The following PTPRD variants were observed in gnomAD, a reference collection of about 807,000 sequenced individuals.
PTPRD encodes the protein protein tyrosine phosphatase receptor type D, also known as receptor-type tyrosine-protein phosphatase delta.
A neutral mutation model predicts 214.5 loss-of-function variants in PTPRD; 34 were observed. The observed-to-expected ratio is 0.16, with a 90% CI of 0.12 to 0.21. The LOEUF (loss-of-function observed/expected upper bound fraction) is 0.21, where lower values mean the gene tolerates loss of function less well. Ranked by LOEUF, PTPRD falls within the 10% of genes least tolerant of loss-of-function variation. PTPRD has a pLI of 1.00. For missense variants in PTPRD, 2,545 were observed against 2,398.7 expected, an observed-to-expected ratio of 1.06 and a Z score of -1.27; for synonymous variants, 1,128 against 845.7, an observed-to-expected ratio of 1.33 and a Z score of -5.79.
At position 8,331,812 on chromosome 9, in the gene PTPRD, A is replaced by ACAAT. The variant is rs199785648; in HGVS notation, c.5380-80_5380-77dup. The ACAAT allele has an allele frequency of 8.3e-4, 1,219 of 1,466,430 alleles. 7 individuals are homozygous for ACAAT. The highest frequency in any genetic ancestry group is 5.6e-3 in the East Asian group (232 of 41,690). The allele number at this position is 1,466,430 out of a possible 1,614,324, so 90.8% of individuals were successfully genotyped here. ...TTCAGCAAGCATACGGACCACAAGA[A>ACAAT]CAATCATTTTCATTTCCCGAAAACA... On this transcript the variant is annotated intron_variant, in intron 43 of 45. Transcript: ENST00000381196.
At chr9:9,848,318 T>C (rs1046472170) in intron 5 of PTPRD, among the ~76,000 whole-genome samples, 2 of 152,032 alleles carry the variant, frequency 1.3e-5, no homozygotes, top group Non-Finnish European at 2.9e-5. Context: ...GGGTTGTAAA[T>C]AAAGAAACAT....
In PTPRD at chr9:10,106,009, T is replaced by C. The variant is rs868176398; in HGVS notation, c.-544-72219A>G. On this transcript the variant is annotated intron_variant, in intron 3 of 45. Coordinates refer to ENST00000381196, the MANE Select transcript of PTPRD (RefSeq NM_002839.4). ...AGAACAAGAATCCTGATCTATCACA[T>C]ATTCAAAAAAAAAAAAAAAAAAAAA... is the stretch of plus-strand genomic sequence containing the variant. 7.2e-5 allele frequency among the ~76,000 whole-genome samples: 5 copies of C among 69,092 alleles called. No homozygotes were observed. In the East Asian group the frequency reaches 2.1e-3, roughly 29 times the overall value. 45.3% of individuals were successfully genotyped at this position (69,092 alleles called of 152,430 possible). A position where few individuals can be genotyped will look rare whatever the true frequency, so the allele number is the denominator to read the frequency against.
intron 2 of PTPRD, among the ~76,000 whole-genome samples, chr9:10,498,498 G>A (rs934804214): frequency 3.7e-5 from 5 of 135,168 alleles, no homozygotes; most frequent in Non-Finnish European, 7.4e-5. Flanking sequence ...GGTCAAAACA[G>A]GTCACATCAA....
intron 14 of PTPRD, among the ~76,000 whole-genome samples, chr9:8,548,731 G>C (rs897302769): frequency 1.2e-5 from 1 of 82,704 alleles, no homozygotes; most frequent in East Asian, 4.1e-4. Context: ...TTTCTCTCTT[G>C]TTGCCCAGGC....
intron 10 of PTPRD, among the ~76,000 whole-genome samples, chr9:9,047,094 C>T (rs532918535): frequency 5.9e-5 from 9 of 152,024 alleles, no homozygotes; most frequent in Non-Finnish European, 1.3e-4. Flanking sequence ...CATTAAAAAT[C>T]GGTAGCATTT....
At chr9:9,778,248 G>A (rs2098814376) in intron 5 of PTPRD, among the ~76,000 whole-genome samples, 1 of 152,154 alleles carries the variant, frequency 6.6e-6, no homozygotes. Context: ...AGCCCCGAAT[G>A]GCTCCTGGGA....
At chr9:8,433,822 T>C (rs1225935075) in intron 35 of PTPRD, among the ~76,000 whole-genome samples, 1 of 152,166 alleles carries the variant, frequency 6.6e-6, no homozygotes, top group African/African-American at 2.4e-5. Context: ...AAAATAAATT[T>C]GGTATAGCTT....
At chr9:8,938,630 T>C (rs2099012827) in intron 11 of PTPRD, among the ~76,000 whole-genome samples, 1 of 151,940 alleles carries the variant, frequency 6.6e-6, no homozygotes, top group Non-Finnish European at 1.5e-5. Context: ...TAGCATTTAA[T>C]AGAAGGACAC....
At chr9:8,821,821 T>G (rs2097072448) in intron 11 of PTPRD, among the ~76,000 whole-genome samples, 1 of 152,098 alleles carries the variant, frequency 6.6e-6, no homozygotes, top group South Asian at 2.1e-4. Flanking sequence ...ACTGCCACCA[T>G]GCCCCACTAA....
intron 3 of PTPRD, among the ~76,000 whole-genome samples, chr9:10,051,384 T>A (rs533444185): frequency 6.6e-6 from 1 of 152,262 alleles, no homozygotes; most frequent in South Asian, 2.1e-4. Context: ...TCTCCTGCTG[T>A]TAGTCATCTC....
chr9:9,867,794 C>T (rs2064358103), intron 5 of PTPRD, among the ~76,000 whole-genome samples: 1 of 152,086 alleles, frequency 6.6e-6, no homozygotes. Context: ...AAGGAACTTC[C>T]TCCTCCATGG....
intron 14 of PTPRD, among the ~76,000 whole-genome samples, chr9:8,623,068 T>A (rs1273593546): frequency 6.6e-6 from 1 of 151,922 alleles, no homozygotes; most frequent in East Asian, 1.9e-4. Flanking sequence ...GGAAGATCCC[T>A]TGAACATAGG....
intron 8 of PTPRD, among the ~76,000 whole-genome samples, chr9:9,425,290 G>C (rs1427965435): frequency 6.6e-6 from 1 of 151,270 alleles, no homozygotes; most frequent in Non-Finnish European, 1.5e-5. Context: ...ATGACGTTCA[G>C]AATCATGAGC....
chr9:10,196,866 G>T (rs955299775), intron 3 of PTPRD, among the ~76,000 whole-genome samples: 1 of 152,038 alleles, frequency 6.6e-6, no homozygotes, highest in African/African-American at 2.4e-5. Context: ...CTATGAATAG[G>T]ACTAGTGTTT....
At chr9:10,149,825 G>T (rs1282427142) in intron 3 of PTPRD, among the ~76,000 whole-genome samples, 1 of 151,586 alleles carries the variant, frequency 6.6e-6, no homozygotes, top group Non-Finnish European at 1.5e-5. Context: ...TTGCCTCCCG[G>T]GTTCAAGCAA....
At position 9,440,179 on chromosome 9, in the gene PTPRD, G is replaced by A. The variant is rs141571056; in HGVS notation, c.-236-42697C>T. ...CAATCTCATGGAGGATAGAAGTAAT[G>A]TTATTGCATAAATTCCTAAAATTAT... On this transcript the variant is annotated intron_variant, in intron 8 of 45. Coordinates refer to ENST00000381196, the MANE Select transcript of PTPRD (RefSeq NM_002839.4). 4.8e-3 allele frequency among the ~76,000 whole-genome samples: 734 copies of A among 152,288 alleles called. 6 individuals are homozygous for A. The highest frequency in any genetic ancestry group is 0.017 in the Middle Eastern group (5 of 294).
intron 3 of PTPRD, among the ~76,000 whole-genome samples, chr9:10,168,406 G>A (rs755419617): frequency 2.0e-5 from 3 of 152,124 alleles, no homozygotes; most frequent in Non-Finnish European, 4.4e-5. Context: ...ACTATTATCT[G>A]CAGCACAATG....
chr9:9,111,585 T>C (rs144375579), intron 10 of PTPRD, among the ~76,000 whole-genome samples: 127 of 152,250 alleles, frequency 8.3e-4, no homozygotes, highest in African/African-American at 3.0e-3. Flanking sequence ...AACTATCAGA[T>C]TGCATTTTAC....
At chr9:9,995,119 A>T (rs925653923) in intron 4 of PTPRD, among the ~76,000 whole-genome samples, 1 of 152,142 alleles carries the variant, frequency 6.6e-6, no homozygotes, top group African/African-American at 2.4e-5. Flanking sequence ...AAAGGGAAAA[A>T]TATTATTCTG....
Sources: allele counts gnomAD v4.1 joint callset (sites outside exome capture counted in the v4.1 genomes callset), GRCh38; gene constraint gnomAD v4.1.1; transcripts MANE v1.5; gene names NCBI Gene and HGNC (gene_info 2026-07-23, HGNC 2026-07-21).